The following MMRN1 variants were observed in gnomAD, a reference collection of about 807,000 sequenced individuals.
MMRN1 encodes multimerin 1.
MMRN1 carries 94 observed loss-of-function variants against 100.7 expected under a neutral mutation model. That is an observed-to-expected ratio of 0.93 (90% CI 0.79 to 1.11). The LOEUF (loss-of-function observed/expected upper bound fraction) is 1.11, where lower values mean the gene tolerates loss of function less well. Among genes scored for constraint, MMRN1 ranks in the 50% least tolerant of loss-of-function variants. The pLI, the probability that MMRN1 is intolerant of heterozygous loss-of-function variation, is 0.00. For missense variants in MMRN1, 1,606 were observed against 1,439.1 expected, an observed-to-expected ratio of 1.12 and a Z score of -1.88; for synonymous variants, 575 against 505.0, an observed-to-expected ratio of 1.14 and a Z score of -1.86.
At chr4:89,910,843 G>GT (rs1209183288) in intron 2 of MMRN1, among the ~76,000 whole-genome samples, 5 of 151,396 alleles carry the variant, frequency 3.3e-5, no homozygotes, top group Middle Eastern at 3.4e-3. Flanking sequence ...AAACTGAAAC[G>GT]TAAGTCTCTA....
chr4:89,900,371 T>C (rs573819986), intron 1 of MMRN1, among the ~76,000 whole-genome samples: 1 of 152,258 alleles, frequency 6.6e-6, no homozygotes, highest in East Asian at 1.9e-4. Flanking sequence ...CTTTTTTTGC[T>C]CTTGCTGGAA....
chr4:89,924,999 C>G (rs1386377706), intron 4 of MMRN1, among the ~76,000 whole-genome samples: 1 of 151,962 alleles, frequency 6.6e-6, no homozygotes, highest in Non-Finnish European at 1.5e-5. Context: ...AAGCATTTAT[C>G]CTTTCGGTTA....
chr4:89,888,854 C>T (rs866656526), intron 1 of MMRN1, among the ~76,000 whole-genome samples: 2 of 152,162 alleles, frequency 1.3e-5, no homozygotes, highest in Non-Finnish European at 2.9e-5. Flanking sequence ...ATCTTCAATA[C>T]CACATTCTAT....
chr4:89,947,089 T>C (rs1723010213), intron 6 of MMRN1, among the ~76,000 whole-genome samples: 1 of 152,040 alleles, frequency 6.6e-6, no homozygotes. Flanking sequence ...TGAGACCAGC[T>C]TGGCCCACAC....
intron 1 of MMRN1, among the ~76,000 whole-genome samples, chr4:89,888,140 T>C (rs1026967313): frequency 1.3e-5 from 2 of 152,028 alleles, no homozygotes; most frequent in Admixed American, 1.3e-4. Flanking sequence ...TCTGATGCTC[T>C]CCATTCATTC....
chr4:89,942,143 T>G (rs1005965973), intron 6 of MMRN1, among the ~76,000 whole-genome samples: 7 of 152,160 alleles, frequency 4.6e-5, no homozygotes, highest in African/African-American at 1.4e-4. Flanking sequence ...GGGATGGAAT[T>G]CCAGGTTCCA....
At chr4:89,950,889 T>A (rs896041955) in intron 6 of MMRN1, among the ~76,000 whole-genome samples, 1 of 152,016 alleles carries the variant, frequency 6.6e-6, no homozygotes, top group African/African-American at 2.4e-5. Flanking sequence ...AGAATTTTTT[T>A]TTTCTTTTCA....
chr4:89,923,812 T>TC (rs1722163655), intron 4 of MMRN1, among the ~76,000 whole-genome samples: 1 of 152,196 alleles, frequency 6.6e-6, no homozygotes, highest in South Asian at 2.1e-4. Context: ...AAACTTTAGC[T>TC]TTTACAAACA....
intron 1 of MMRN1, among the ~76,000 whole-genome samples, chr4:89,885,142 C>G (rs2110569660): frequency 6.9e-6 from 1 of 144,572 alleles, no homozygotes; most frequent in African/African-American, 2.8e-5. Flanking sequence ...TCCCTTCCTC[C>G]CTTCCTTCCT....
Position 89,934,933 on chromosome 4 carries a change from A to T in MMRN1, c.1253A>T (p.Glu418Val). ...QLFKTVSSLS[E>V]DLESTRQIIQ... The stretch of plus-strand genomic sequence containing the variant: ...TTCAAGACTGTATCAAGTCTATCAG[A>T]GGACCTCGAAAGCACCAGGCAAATA... The change falls in exon 6 of 8, where the codon GAG (glutamate) becomes GTG (valine). Residue 418 changes from glutamate (E) to valine (V), a missense_variant. Coordinates refer to ENST00000264790, the MANE Select transcript of MMRN1 (RefSeq NM_007351.3). 1 of 1,613,732 alleles carries T rather than the reference A, an allele frequency of 6.2e-7. No individual in the cohort carries two copies. The highest frequency in any genetic ancestry group is 8.5e-7 in the Non-Finnish European group (1 of 1,179,760).
At position 89,895,182 on chromosome 4, in the gene MMRN1, G is replaced by T; in HGVS notation, c.211G>T (p.Ala71Ser). The T allele has an allele frequency of 6.2e-7, 1 of 1,613,804 alleles. No individual in the cohort carries two copies. Among genetic ancestry groups the T allele is most frequent in the Non-Finnish European group, 8.5e-7 (1 of 1,179,908 alleles). Residue 71 changes from alanine to serine, a missense_variant, in exon 1 of 8, where the codon GCA (alanine) becomes TCA (serine). Transcript: ENST00000264790. ...GGCGGAGATAGCTACAACTCCAGAG[G>T]CAAGAACTTCTGAAGACAGTCTTCT... ...MSAEIATTPE[A>S]RTSEDSLLKS...
chr4:89,950,346 A>G (rs1560601039), intron 6 of MMRN1, among the ~76,000 whole-genome samples: 2 of 152,166 alleles, frequency 1.3e-5, no homozygotes, highest in Non-Finnish European at 2.9e-5. Context: ...TCTGGAGTAT[A>G]TATATACTGC....
rs1721157005 is a variant in MMRN1 at position 89,895,258 on chromosome 4, G to T, written c.287G>T (p.Arg96Ile). 6.2e-7 allele frequency: 1 copy of T among 1,613,728 alleles called. No homozygotes were observed. The highest frequency in any genetic ancestry group is 1.7e-5 in the Admixed American group (1 of 59,952). ...SETSAPAEGVRNQTLTSTEKA... is the reference protein window; with the variant it reads ...SETSAPAEGVINQTLTSTEKA... ...ACAAGTGCACCTGCTGAGGGTGTGA[G>T]AAATCAAACTCTCACATCCACAGAG... is the stretch of plus-strand genomic sequence containing the variant. The change falls in exon 1 of 8, where the codon AGA (arginine) becomes ATA (isoleucine). Residue 96 changes from arginine to isoleucine, a missense_variant. Coordinates refer to ENST00000264790, the MANE Select transcript of MMRN1 (RefSeq NM_007351.3).
At chr4:89,897,962 T>C (rs1291939783) in intron 1 of MMRN1, among the ~76,000 whole-genome samples, 1 of 152,122 alleles carries the variant, frequency 6.6e-6, no homozygotes, top group Non-Finnish European at 1.5e-5. Context: ...AATCTTAAAC[T>C]CCTTCTATAG....
At chr4:89,910,309 C>A (rs1721708210) in intron 2 of MMRN1, among the ~76,000 whole-genome samples, 1 of 151,402 alleles carries the variant, frequency 6.6e-6, no homozygotes, top group African/African-American at 2.4e-5. Flanking sequence ...ACAAAGAATG[C>A]ATTGCTAATT....
chr4:89,952,962 T>C, intron 7 of MMRN1, 35 bp from the exon 8 acceptor site: 1 of 1,522,490 alleles, frequency 6.6e-7, no homozygotes, highest in East Asian at 2.3e-5. Flanking sequence ...GATAAAAACA[T>C]GAAAATTAAC....
intron 6 of MMRN1, among the ~76,000 whole-genome samples, chr4:89,949,631 A>G (rs1037329115): frequency 3.3e-5 from 5 of 152,232 alleles, no homozygotes; most frequent in Non-Finnish European, 5.9e-5. Context: ...AATATTTGTT[A>G]AAAGGTATTA....
intron 4 of MMRN1, among the ~76,000 whole-genome samples, chr4:89,924,566 T>C (rs1175330594): frequency 1.3e-5 from 2 of 151,816 alleles, no homozygotes; most frequent in East Asian, 3.9e-4. Flanking sequence ...GATTTTAAGC[T>C]GGGCACAGTG....
intron 3 of MMRN1, among the ~76,000 whole-genome samples, chr4:89,921,272 A>G (rs550812100): frequency 6.6e-6 from 1 of 152,232 alleles, no homozygotes; most frequent in South Asian, 2.1e-4. Context: ...ATAAGTTAGT[A>G]TCCTTAACAT....
Sources: gnomAD v4.1 joint callset for allele counts (sites outside exome capture counted in the v4.1 genomes callset) on GRCh38, gnomAD v4.1.1 for gene constraint, MANE v1.5 for transcripts, NCBI Gene and HGNC (gene_info 2026-07-23, HGNC 2026-07-21) for gene names.